PUS10: variants seen among roughly 807,000 people sequenced by gnomAD.
The protein encoded by PUS10 is pseudouridine synthase 10.
In PUS10, 59 loss-of-function variants were observed where a neutral mutation model predicts 75.0. The ratio of observed to expected loss-of-function variants is 0.79; its 90% CI spans 0.64 to 0.98. The LOEUF (loss-of-function observed/expected upper bound fraction) is 0.98, where lower values mean the gene tolerates loss of function less well. Ranked by LOEUF, PUS10 falls within the 50% of genes least tolerant of loss-of-function variation. The pLI is 0.00. For missense variants in PUS10, 650 were observed against 614.4 expected (o/e 1.06, Z -0.61); for synonymous variants, 219 against 211.6 (o/e 1.03, Z -0.30).
At chr2:61,005,021 G>A (rs1165795673) in intron 4 of PUS10, among the ~76,000 whole-genome samples, 1 of 152,198 alleles carries the variant, frequency 6.6e-6, no homozygotes, top group Non-Finnish European at 1.5e-5. Flanking sequence ...CTGGGAGGCC[G>A]AGGTGGGCGG....
chr2:61,011,559 G>A (rs1679596756), intron 2 of PUS10, among the ~76,000 whole-genome samples: 1 of 152,120 alleles, frequency 6.6e-6, no homozygotes, highest in Admixed American at 6.5e-5. Flanking sequence ...TACACTAAAT[G>A]TTAGAAAGCT....
At chr2:60,962,188 G>C (rs978422909) in intron 9 of PUS10, among the ~76,000 whole-genome samples, 1 of 152,204 alleles carries the variant, frequency 6.6e-6, no homozygotes, top group African/African-American at 2.4e-5. Context: ...AGAATTTCAG[G>C]ACATCTGGCT....
Position 61,009,007 on chromosome 2 carries a change from G to T in PUS10, c.135C>A (p.Leu45=). Residue 45 remains leucine (L), a synonymous_variant, in exon 3 of 18, where the codon CTC becomes CTA. Transcript: ENST00000316752. ...TTTCCAGAAATTTCTGTAGTTCATT[G>T]AGCAACTCCTGGAAAGTTAATGAAA... ...APYKLPYKEL[L]NELQKFLETE... 6.2e-7 allele frequency: 1 copy of T among 1,611,278 alleles called. No homozygotes were observed. Among genetic ancestry groups the T allele is most frequent in the South Asian group, 1.1e-5 (1 of 90,574 alleles).
At chr2:61,006,081 A>T (rs576076501) in intron 4 of PUS10, among the ~76,000 whole-genome samples, 137 of 152,166 alleles carry the variant, frequency 9.0e-4, no homozygotes, top group African/African-American at 2.9e-3. Flanking sequence ...AAAACAGTTT[A>T]AAAAAAATGA....
intron 3 of PUS10, among the ~76,000 whole-genome samples, chr2:61,008,399 G>A (rs1027780945): frequency 6.6e-6 from 1 of 152,008 alleles, no homozygotes; most frequent in Non-Finnish European, 1.5e-5. Context: ...GCTGAGGCAG[G>A]ACAATTGCTT....
At chr2:61,009,087 C>G (rs1233052634) in intron 2 of PUS10, 72 bp from the exon 3 acceptor site, 12 of 1,366,390 alleles carry the variant, frequency 8.8e-6, no homozygotes, top group South Asian at 4.4e-5. Context: ...TAAGATGAAA[C>G]AAGAAAACAT....
intron 1 of PUS10, among the ~76,000 whole-genome samples, chr2:61,016,659 C>G (rs1679998418): frequency 6.6e-6 from 1 of 152,090 alleles, no homozygotes; most frequent in African/African-American, 2.4e-5. Flanking sequence ...CTCCCCAAAT[C>G]AAGGATAACT....
intron 16 of PUS10, among the ~76,000 whole-genome samples, chr2:60,947,645 C>T (rs1164774604): frequency 6.6e-6 from 1 of 151,874 alleles, no homozygotes; most frequent in African/African-American, 2.4e-5. Context: ...CTGGCTAACA[C>T]GGTGAAACCC....
chr2:61,018,048 C>G lies in PUS10; in HGVS notation c.-56G>C, dbSNP rs1680131060. The G allele has an allele frequency of 2.7e-6, 4 of 1,459,108 alleles. No homozygotes were observed. The highest frequency in any genetic ancestry group is 3.7e-6 in the Non-Finnish European group (4 of 1,095,450). The allele number at this position is 1,459,108 out of a possible 1,614,324, so 90.4% of individuals were successfully genotyped here. ...TGTCTCACAGCTGTTTCTGACCCGG[C>G]AGCTCTAATCAGCAACGTTTTTTTC... is the stretch of plus-strand genomic sequence containing the variant. On this transcript the variant is annotated 5_prime_UTR_variant, in exon 1 of 18. Coordinates refer to ENST00000316752, the MANE Select transcript of PUS10 (RefSeq NM_144709.4).
intron 15 of PUS10, among the ~76,000 whole-genome samples, chr2:60,952,666 T>A (rs2104229402): frequency 6.6e-6 from 1 of 152,376 alleles, no homozygotes; most frequent in Admixed American, 6.5e-5. Context: ...TTAATTATTT[T>A]AACTAATTTT....
chr2:60,942,597 A>G (rs1674685750), intron 17 of PUS10, among the ~76,000 whole-genome samples, 164 bp from the exon 18 acceptor site: 1 of 152,216 alleles, frequency 6.6e-6, no homozygotes, highest in South Asian at 2.1e-4. Context: ...AGTCTGTTCT[A>G]GGTATTCTTG....
chr2:60,965,227 C>G lies in PUS10; in HGVS notation c.678-124G>C, dbSNP rs13412097. On this transcript the variant is annotated intron_variant, in intron 7 of 17. Coordinates refer to ENST00000316752, the MANE Select transcript of PUS10 (RefSeq NM_144709.4). Reference sequence around the variant, plus strand: ...ACATCAGGAGCAGACAAAATGAGTCCCTGTATGAGCTATATCGGTTTGCCC... The same window carrying G: ...ACATCAGGAGCAGACAAAATGAGTCGCTGTATGAGCTATATCGGTTTGCCC... 5.1e-3 allele frequency: 5,281 copies of G among 1,028,472 alleles called. 182 individuals carry two copies. In the African/African-American group the frequency reaches 0.073, roughly 14 times the overall value. 63.7% of individuals were successfully genotyped at this position (1,028,472 alleles called of 1,614,324 possible). A position where few individuals can be genotyped will look rare whatever the true frequency, so the allele number is the denominator to read the frequency against.
At position 61,008,928 on chromosome 2, in the gene PUS10, G is replaced by C. The variant is rs759814796; in HGVS notation, c.214C>G (p.Arg72Gly). ...EVMNPPPKKIRLQELEDSIDN... is the reference protein window; with the variant it reads ...EVMNPPPKKIGLQELEDSIDN... The stretch of plus-strand genomic sequence containing the variant: ...ATACTATCTTCCAGTTCTTGCAGTC[G>C]AATTTTCTTGGGAGGTGGGTTCATA... Residue 72 changes from arginine to glycine, a missense_variant, in exon 3 of 18, where the codon CGA becomes GGA. Coordinates refer to ENST00000316752, the MANE Select transcript of PUS10 (RefSeq NM_144709.4). The C allele has an allele frequency of 6.2e-7, 1 of 1,613,494 alleles. No homozygotes were observed. Among genetic ancestry groups the C allele is most frequent in the South Asian group, 1.1e-5 (1 of 91,022 alleles).
intron 4 of PUS10, among the ~76,000 whole-genome samples, chr2:61,003,623 C>A (rs184081925): frequency 1.3e-5 from 2 of 151,498 alleles, no homozygotes; most frequent in Admixed American, 6.6e-5. Context: ...TGGCTCACTG[C>A]AGCTTCAACC....
intron 6 of PUS10, 72 bp from the exon 7 acceptor site, chr2:60,965,556 G>C (rs1334004840): frequency 9.4e-7 from 1 of 1,067,976 alleles, no homozygotes; most frequent in Non-Finnish European, 1.4e-6. Flanking sequence ...AATGGAAATA[G>C]AAATTAATTC....
At chr2:60,974,776 C>A (rs1360209817) in intron 4 of PUS10, among the ~76,000 whole-genome samples, 1 of 152,238 alleles carries the variant, frequency 6.6e-6, no homozygotes, top group Admixed American at 6.5e-5. Context: ...AGCCAGCGTG[C>A]CTGCTGTGTG....
At position 60,971,524 on chromosome 2, in the gene PUS10, C is replaced by G. The variant is rs1300332486; in HGVS notation, c.502G>C (p.Gly168Arg). The change falls in exon 5 of 18, where the codon GGA becomes CGA. Residue 168 changes from glycine to arginine, a missense_variant and splice_region_variant. Transcript: ENST00000316752. ...AAWLLVKQEM[G>R]KQSLSLGRDD... The stretch of plus-strand genomic sequence containing the variant: ...AAATTCCCTACCTAAATTACTTACC[C>G]CATTTCCTGTTTTACCAGCAACCAT... The G allele has an allele frequency of 1.2e-6, 2 of 1,613,494 alleles. No individual in the cohort carries two copies. Among genetic ancestry groups the G allele is most frequent in the Non-Finnish European group, 8.5e-7 (1 of 1,179,554 alleles).
Position 60,948,165 on chromosome 2 carries a change from T to C in PUS10, c.1329A>G (p.Lys443=). 6.2e-7 allele frequency: 1 copy of C among 1,614,092 alleles called. No individual in the cohort carries two copies. The highest frequency in any genetic ancestry group is 8.5e-7 in the Non-Finnish European group (1 of 1,180,014). The change falls in exon 16 of 18, where the codon AAA becomes AAG. Residue 443 remains lysine (K), a synonymous_variant. Transcript: ENST00000316752. The part of the protein sequence containing the change: ...NDIKDLKIDQ[K]TPLRVLHRRP... ...TTCGGTGAAGGACGCGCAAAGGTGT[T>C]TTCTGGTCGATTTTTAAGTCCTAGG...
intron 4 of PUS10, among the ~76,000 whole-genome samples, chr2:60,980,595 C>T (rs1001125629): frequency 6.6e-6 from 1 of 152,202 alleles, no homozygotes; most frequent in East Asian, 1.9e-4. Flanking sequence ...CTTATAGAAA[C>T]TTGGCCTGTG....
Sources: gnomAD v4.1 joint callset for allele counts (sites outside exome capture counted in the v4.1 genomes callset) on GRCh38, gnomAD v4.1.1 for gene constraint, MANE v1.5 for transcripts, NCBI Gene and HGNC (gene_info 2026-07-23, HGNC 2026-07-21) for gene names.